C18orf63: variants seen among roughly 807,000 people sequenced by gnomAD.
C18orf63 encodes chromosome 18 open reading frame 63.
Under a neutral mutation model 75.3 loss-of-function variants are expected in C18orf63, and 50 were observed. The observed-to-expected ratio is 0.66, with a 90% CI of 0.53 to 0.84. C18orf63 has a LOEUF of 0.84. Ranked by LOEUF, C18orf63 falls within the 40% of genes least tolerant of loss-of-function variation. C18orf63 has a pLI of 0.00. For missense variants in C18orf63, 732 were observed against 800.2 expected, an observed-to-expected ratio of 0.91 and a Z score of 1.03; for synonymous variants, 232 against 267.6, an observed-to-expected ratio of 0.87 and a Z score of 1.30.
intron 2 of C18orf63, among the ~76,000 whole-genome samples, chr18:74,318,236 T>C (rs1984060199): frequency 6.6e-6 from 1 of 152,204 alleles, no homozygotes; most frequent in Non-Finnish European, 1.5e-5. Context: ...TGACCTCTTA[T>C]GTGCTTTTTA....
At chr18:74,333,119 G>A (rs1447727266) in intron 7 of C18orf63, among the ~76,000 whole-genome samples, 1 of 152,194 alleles carries the variant, frequency 6.6e-6, no homozygotes, top group Non-Finnish European at 1.5e-5. Context: ...ATATAGTCAT[G>A]CTGTTCATTA....
chr18:74,322,244 A>G (rs1984136897), intron 3 of C18orf63, among the ~76,000 whole-genome samples: 1 of 152,238 alleles, frequency 6.6e-6, no homozygotes, highest in Non-Finnish European at 1.5e-5. Flanking sequence ...TACCCTCACG[A>G]ACACTGTAGA....
At chr18:74,354,936 G>T (rs963417700) in intron 13 of C18orf63, among the ~76,000 whole-genome samples, 3 of 152,174 alleles carry the variant, frequency 2.0e-5, no homozygotes, top group Non-Finnish European at 2.9e-5. Context: ...TGTTTCAAAG[G>T]TTAATCATTT....
chr18:74,353,896 T>G lies in C18orf63; in HGVS notation c.1629T>G (p.Ser543=), dbSNP rs1378259214. 1 of 1,535,862 alleles carries G rather than the reference T, an allele frequency of 6.5e-7. No individual in the cohort carries two copies. The highest frequency in any genetic ancestry group is 1.4e-5 in the African/African-American group (1 of 73,004). Residue 543 remains serine (S), a synonymous_variant, in exon 12 of 14, where the codon TCT becomes TCG. Transcript: ENST00000579455. Reference sequence around the variant, plus strand: ...GTTTAAACAAAAATAAGCAACTATCTAATAGTGCAGTATTTGTGGTGTCAA... The same window carrying G: ...GTTTAAACAAAAATAAGCAACTATCGAATAGTGCAGTATTTGTGGTGTCAA... The part of the protein sequence containing the change: ...TVSLNKNKQL[S]NSAVFVVSNN...
chr18:74,348,149 T>G (rs1201472507), intron 11 of C18orf63, among the ~76,000 whole-genome samples: 1 of 152,154 alleles, frequency 6.6e-6, no homozygotes, highest in Non-Finnish European at 1.5e-5. Context: ...CCACATAATT[T>G]TATGTATGTC....
Position 74,318,010 on chromosome 18 carries a change from A to G in C18orf63, c.134+11A>G. 6.8e-7 allele frequency: 1 copy of G among 1,466,422 alleles called. No individual in the cohort carries two copies. The highest frequency in any genetic ancestry group is 9.0e-7 in the Non-Finnish European group (1 of 1,109,212). 90.8% of individuals were successfully genotyped at this position (1,466,422 alleles called of 1,614,324 possible). On this transcript the variant is annotated intron_variant, in intron 2 of 13. Coordinates refer to ENST00000579455, the MANE Select transcript of C18orf63 (RefSeq NM_001174123.2). ...AATGAAGATGTGCAGGTAAAAAAAT[A>G]CATCTTATAACTAAGACTTTTAAAA...
At chr18:74,328,080 T>C (rs773434779) in intron 5 of C18orf63, 22 bp downstream of exon 5, 37 of 1,367,918 alleles carry the variant, frequency 2.7e-5, no homozygotes, top group Middle Eastern at 3.5e-4. Context: ...TTTTTAGTCA[T>C]TGGGGCTTTC....
Position 74,334,353 on chromosome 18 carries a change from A to G in C18orf63, c.501+3411A>G, listed in dbSNP as rs73468647. ...GGAGAAAAGAGGAGGAGGGTAGGCA[A>G]TGAGGCAAATGGTTACATTCTTGTG... On this transcript the variant is annotated intron_variant, in intron 7 of 13. Transcript: ENST00000579455. 7.2e-3 allele frequency among the ~76,000 whole-genome samples: 1,095 copies of G among 152,050 alleles called. 16 individuals carry two copies. Among genetic ancestry groups the G allele is most frequent in the African/African-American group, 0.025 (1,040 of 41,498 alleles).
chr18:74,334,565 C>G (rs1314907204), intron 7 of C18orf63, among the ~76,000 whole-genome samples: 1 of 152,018 alleles, frequency 6.6e-6, no homozygotes, highest in Non-Finnish European at 1.5e-5. Context: ...ATTCAGTTAC[C>G]AAGCTTAATG....
chr18:74,325,268 G>A (rs1036020135), intron 4 of C18orf63, among the ~76,000 whole-genome samples: 1 of 152,064 alleles, frequency 6.6e-6, no homozygotes, highest in African/African-American at 2.4e-5. Context: ...TCTAATTCCT[G>A]TTTGATTTCT....
chr18:74,323,266 T>C (rs1984155612), intron 4 of C18orf63, among the ~76,000 whole-genome samples: 1 of 152,204 alleles, frequency 6.6e-6, no homozygotes, highest in Non-Finnish European at 1.5e-5. Flanking sequence ...CACTGTGTCA[T>C]TGGTTATCCC....
chr18:74,347,336 C>T (rs1984590820), intron 11 of C18orf63, among the ~76,000 whole-genome samples: 1 of 152,210 alleles, frequency 6.6e-6, no homozygotes, highest in Non-Finnish European at 1.5e-5. Context: ...AAAGCAGACA[C>T]CAGATGGCCT....
intron 12 of C18orf63, 27 bp downstream of exon 12, chr18:74,354,295 C>G (rs997219195): frequency 3.4e-6 from 5 of 1,481,388 alleles, no homozygotes; most frequent in Non-Finnish European, 4.5e-6. Context: ...TCTGGCACTA[C>G]TTATCATATG....
chr18:74,347,700 G>A (rs1012499687), intron 11 of C18orf63, among the ~76,000 whole-genome samples: 2 of 152,028 alleles, frequency 1.3e-5, no homozygotes, highest in African/African-American at 2.4e-5. Context: ...CAGTGTAAAA[G>A]GCATAAATTT....
intron 3 of C18orf63, among the ~76,000 whole-genome samples, chr18:74,322,404 T>A (rs1211506274): frequency 6.6e-6 from 1 of 152,194 alleles, no homozygotes; most frequent in Non-Finnish European, 1.5e-5. Context: ...GCCTAAGAAT[T>A]CTATATTAAG....
chr18:74,342,156 A>G, intron 9 of C18orf63, 28 bp downstream of exon 9: 1 of 1,412,916 alleles, frequency 7.1e-7, no homozygotes, highest in East Asian at 2.5e-5. Flanking sequence ...ATGTTACATT[A>G]GAAGTTATTT....
chr18:74,343,970 G>A (rs1984530857), intron 11 of C18orf63, among the ~76,000 whole-genome samples: 2 of 152,120 alleles, frequency 1.3e-5, no homozygotes, highest in African/African-American at 4.8e-5. Context: ...GGTTATTGGA[G>A]ATTAAAGAGA....
At chr18:74,341,987 ATATT>A (rs1211372125) in intron 8 of C18orf63, 41 bp from the exon 9 acceptor site, 8 of 925,178 alleles carry the variant, frequency 8.6e-6, no homozygotes, top group East Asian at 2.6e-5. Flanking sequence ...TTATTAAACT[ATATT>A]TAAGCATTGG....
At chr18:74,355,934 C>T (rs1185647000) in intron 13 of C18orf63, among the ~76,000 whole-genome samples, 1 of 151,878 alleles carries the variant, frequency 6.6e-6, no homozygotes, top group Non-Finnish European at 1.5e-5. Context: ...TGGTGCATGC[C>T]TATAGTCCCA....
Sources: allele counts gnomAD v4.1 joint callset (sites outside exome capture counted in the v4.1 genomes callset), GRCh38; gene constraint gnomAD v4.1.1; transcripts MANE v1.5; gene names NCBI Gene and HGNC (gene_info 2026-07-23, HGNC 2026-07-21).